Variants in SEC24D observed in about 807,000 individuals in gnomAD.
The protein encoded by SEC24D is protein transport protein Sec24D.
Under a neutral mutation model 116.9 loss-of-function variants are expected in SEC24D, and 69 were observed. The ratio of observed to expected loss-of-function variants is 0.59; its 90% confidence interval spans 0.49 to 0.72. SEC24D has a LOEUF of 0.72. Ranked by LOEUF, SEC24D falls within the 30% of genes least tolerant of loss-of-function variation. The pLI, the probability that SEC24D is intolerant of heterozygous loss-of-function variation, is 0.00. For missense variants in SEC24D, 1,131 were observed against 1,264.1 expected (o/e 0.89, Z 1.60); for synonymous variants, 405 against 442.8 (o/e 0.91, Z 1.07).
In SEC24D at chr4:118,723,497, A is replaced by G. The variant is rs1193851720; in HGVS notation, c.*18T>C. On this transcript the variant is annotated 3_prime_UTR_variant, in exon 23 of 23. Transcript: ENST00000280551. ...TTATCTCCTTGGAAATGCAACATCA[A>G]TGACAGAGAAGTTTCAATTAATTAA... is the stretch of plus-strand genomic sequence containing the variant. 2 of 1,603,832 alleles carry G rather than the reference A, an allele frequency of 1.2e-6. No individual in the cohort carries two copies. The highest frequency in any genetic ancestry group is 1.7e-5 in the Admixed American group (1 of 58,312).
chr4:118,815,325 T>C (rs1730094314), intron 5 of SEC24D, 126 bp downstream of exon 5: 1 of 1,407,892 alleles, frequency 7.1e-7, no homozygotes, highest in African/African-American at 1.4e-5. Context: ...TTGCCAAAAC[T>C]CTTCAAAAAC....
rs1731084293 is a variant in SEC24D at position 118,836,042 on chromosome 4, C to T, written c.-143G>A. 1 of 152,278 alleles carries T rather than the reference C, an allele frequency of 6.6e-6. No homozygotes were observed. The highest frequency in any genetic ancestry group is 2.4e-5 in the African/African-American group (1 of 41,466). The allele number at this position is 152,278 out of a possible 1,614,324, so 9.4% of individuals were successfully genotyped here. A position where few individuals can be genotyped will look rare whatever the true frequency, so the allele number is the denominator to read the frequency against. ...GGGCTCCCGCTGCGGTCGCTTCTCC[C>T]GCCGCGCCTCTTCCCCGGCCGGCGT... On this transcript the variant is annotated 5_prime_UTR_variant, in exon 1 of 23. Transcript: ENST00000280551.
At chr4:118,728,002 A>G (rs1245232142) in intron 22 of SEC24D, among the ~76,000 whole-genome samples, 1 of 152,092 alleles carries the variant, frequency 6.6e-6, no homozygotes, top group Non-Finnish European at 1.5e-5. Flanking sequence ...ATCATCATCT[A>G]TACATTCTAG....
chr4:118,752,648 A>C, intron 12 of SEC24D, 49 bp downstream of exon 12: 1 of 1,370,076 alleles, frequency 7.3e-7, no homozygotes, highest in South Asian at 1.3e-5. Context: ...GTGCAATTAA[A>C]GACAAAACAC....
At chr4:118,795,174 T>C (rs1204598762) in intron 8 of SEC24D, among the ~76,000 whole-genome samples, 3 of 152,028 alleles carry the variant, frequency 2.0e-5, no homozygotes. Context: ...CATATTGTTA[T>C]AGATACCTGC....
chr4:118,816,498 G>A (rs907645245), intron 4 of SEC24D, among the ~76,000 whole-genome samples: 9 of 152,112 alleles, frequency 5.9e-5, no homozygotes, highest in Admixed American at 5.9e-4. Flanking sequence ...CAAGAGAAGG[G>A]CCACCAACAT....
At chr4:118,804,061 C>A (rs1729564439) in intron 7 of SEC24D, among the ~76,000 whole-genome samples, 1 of 151,952 alleles carries the variant, frequency 6.6e-6, no homozygotes, top group South Asian at 2.1e-4. Context: ...CCAGATAGCT[C>A]CAAGATTTGT....
rs996038086 is a variant in SEC24D, at chr4:118,731,512, G to C, written c.2677-5C>G. 1 of 1,613,260 alleles carries C rather than the reference G, an allele frequency of 6.2e-7. No individual in the cohort carries two copies. The highest frequency in any genetic ancestry group is 1.7e-5 in the Admixed American group (1 of 60,008). ...ACTCTTGACATCTAACGTGTGCTGG[G>C]CAGGCACAGACAAAAGAGTTAGAAA... On this transcript the variant is annotated splice_polypyrimidine_tract_variant and splice_region_variant and intron_variant, in intron 20 of 22. Coordinates refer to ENST00000280551, the MANE Select transcript of SEC24D (RefSeq NM_014822.4).
At chr4:118,803,524 A>G (rs767402716) in intron 7 of SEC24D, among the ~76,000 whole-genome samples, 1 of 152,180 alleles carries the variant, frequency 6.6e-6, no homozygotes, top group Non-Finnish European at 1.5e-5. Flanking sequence ...GTGACCTCAC[A>G]TTTAAGTTCC....
intron 8 of SEC24D, among the ~76,000 whole-genome samples, chr4:118,768,779 G>A (rs1278282793): frequency 6.6e-6 from 1 of 152,062 alleles, no homozygotes; most frequent in Non-Finnish European, 1.5e-5. Flanking sequence ...TGAATTCAAA[G>A]CCATAAGATG....
intron 8 of SEC24D, among the ~76,000 whole-genome samples, chr4:118,773,433 A>G (rs544949765): frequency 6.6e-6 from 1 of 152,332 alleles, no homozygotes; most frequent in Non-Finnish European, 1.5e-5. Context: ...CTGTAAATGT[A>G]TCTCTCTAGC....
chr4:118,737,918 T>C (rs1354966768), intron 19 of SEC24D, among the ~76,000 whole-genome samples: 1 of 152,176 alleles, frequency 6.6e-6, no homozygotes, highest in Non-Finnish European at 1.5e-5. Flanking sequence ...CTAAAATGTA[T>C]TTAAGCATAC....
At chr4:118,797,935 T>C (rs776206989) in intron 7 of SEC24D, 125 bp from the exon 8 acceptor site, 2 of 714,886 alleles carry the variant, frequency 2.8e-6, no homozygotes, top group Non-Finnish European at 4.2e-6. Flanking sequence ...AAAACTCTCT[T>C]CATGATTTGT....
chr4:118,785,410 G>C (rs966272097), intron 8 of SEC24D, among the ~76,000 whole-genome samples: 1 of 152,156 alleles, frequency 6.6e-6, no homozygotes, highest in Non-Finnish European at 1.5e-5. Context: ...AACCCAGCAG[G>C]AAAAAGATGT....
At chr4:118,769,922 T>G (rs1386650267) in intron 8 of SEC24D, 1 of 152,192 alleles carries the variant, frequency 6.6e-6, no homozygotes. Context: ...AAAAAGTAGT[T>G]GGAAAATTTT....
intron 1 of SEC24D, among the ~76,000 whole-genome samples, chr4:118,835,516 C>G (rs1031487004): frequency 3.3e-5 from 5 of 152,226 alleles, no homozygotes; most frequent in African/African-American, 7.2e-5. Flanking sequence ...TTGGCCAGAT[C>G]AGTTTCACTA....
intron 2 of SEC24D, among the ~76,000 whole-genome samples, chr4:118,828,275 ATTTATTT>A (rs1220669013): frequency 2.0e-5 from 3 of 152,086 alleles, no homozygotes; most frequent in South Asian, 2.1e-4. Context: ...CGCCCGGCTA[ATTTATTT>A]GCGTTTTTAG....
rs900953749 is a variant in SEC24D, at chr4:118,815,819, A to T, written c.398-93T>A. The stretch of plus-strand genomic sequence containing the variant: ...CATGACAGAGATGTTTGTTTTCCTG[A>T]CATAAAGCAAGAGGACACCCTTAGA... On this transcript the variant is annotated intron_variant, in intron 4 of 22. Transcript: ENST00000280551. 4 of 1,395,482 alleles carry T rather than the reference A, an allele frequency of 2.9e-6. No individual in the cohort carries two copies. In the African/African-American group the frequency reaches 5.7e-5, roughly 20 times the overall value. The allele number at this position is 1,395,482 out of a possible 1,614,324, so 86.4% of individuals were successfully genotyped here. A position where few individuals can be genotyped will look rare whatever the true frequency, so the allele number is the denominator to read the frequency against.
intron 11 of SEC24D, among the ~76,000 whole-genome samples, chr4:118,753,781 A>G (rs1371013026): frequency 6.6e-6 from 1 of 152,180 alleles, no homozygotes; most frequent in Non-Finnish European, 1.5e-5. Context: ...CCAATTTTCA[A>G]TGGAGAATAT....
Sources: allele counts gnomAD v4.1 joint callset (sites outside exome capture counted in the v4.1 genomes callset), GRCh38; gene constraint gnomAD v4.1.1; transcripts MANE v1.5; gene names NCBI Gene and HGNC (gene_info 2026-07-23, HGNC 2026-07-21).